Variants in NFX1 observed in about 807,000 individuals in gnomAD.
NFX1 encodes the protein transcriptional repressor NF-X1.
NFX1 carries 69 observed loss-of-function variants against 137.2 expected under a neutral mutation model. The ratio of observed to expected loss-of-function variants is 0.50; its 90% CI spans 0.41 to 0.61. NFX1 has a LOEUF of 0.61. NFX1 is among the 20% of genes least tolerant of loss of function. The probability of loss-of-function intolerance (pLI) is 0.00; values close to 1 mark genes in which losing one functional copy is unlikely to be tolerated. For missense variants in NFX1, 1,167 were observed against 1,391.0 expected, an observed-to-expected ratio of 0.84 and a Z score of 2.56; for synonymous variants, 495 against 474.1, an observed-to-expected ratio of 1.04 and a Z score of -0.57.
At chr9:33,327,997 A>C (rs1822658818) in intron 9 of NFX1, among the ~76,000 whole-genome samples, 2 of 152,018 alleles carry the variant, frequency 1.3e-5, no homozygotes, top group African/African-American at 4.8e-5. Context: ...GAGGAAAAAG[A>C]AGATTTATTC....
chr9:33,344,283 G>A, intron 14 of NFX1, 95 bp downstream of exon 14: 4 of 1,543,898 alleles, frequency 2.6e-6, no homozygotes, highest in Middle Eastern at 1.8e-4. Context: ...GAGTCATGCT[G>A]TGATGGCTGC....
Position 33,366,617 on chromosome 9 carries a change from C to T in NFX1, c.3040-12C>T, listed in dbSNP as rs765280402. ...TGATATGATCAATCAGTCATCTTTTCCCTCAATACAGGGAAAGAATAGTAA... is the reference window on the plus strand; with the variant it reads ...TGATATGATCAATCAGTCATCTTTTTCCTCAATACAGGGAAAGAATAGTAA... On this transcript the variant is annotated splice_polypyrimidine_tract_variant and intron_variant, in intron 21 of 23. Coordinates refer to ENST00000379540, the MANE Select transcript of NFX1 (RefSeq NM_002504.6). The T allele has an allele frequency of 2.5e-6, 4 of 1,613,142 alleles. No homozygotes were observed. Among genetic ancestry groups the T allele is most frequent in the Non-Finnish European group, 2.5e-6 (3 of 1,179,648 alleles).
Position 33,344,119 on chromosome 9 carries a change from G to T in NFX1, c.2275G>T (p.Val759Phe), listed in dbSNP as rs1351402052. Reference sequence around the variant, plus strand: ...TGGTGCATCAGTGATTTACCCTCCAGTTCCCTGTGGTACTAGGCCCCCTGA... The same window carrying T: ...TGGTGCATCAGTGATTTACCCTCCATTTCCCTGTGGTACTAGGCCCCCTGA... ...HCGASVIYPP[V>F]PCGTRPPECT... Residue 759 changes from valine to phenylalanine, a missense_variant, in exon 14 of 24, where the codon GTT (valine) becomes TTT (phenylalanine). Physicochemically the swap from Val to Phe is conservative, Grantham distance 50. Coordinates refer to ENST00000379540, the MANE Select transcript of NFX1 (RefSeq NM_002504.6). 6.2e-7 allele frequency: 1 copy of T among 1,613,974 alleles called. No homozygotes were observed. Among genetic ancestry groups the T allele is most frequent in the African/African-American group, 1.3e-5 (1 of 74,902 alleles).
chr9:33,326,295 C>T (rs564790181), intron 9 of NFX1, among the ~76,000 whole-genome samples: 1 of 152,076 alleles, frequency 6.6e-6, no homozygotes, highest in Admixed American at 6.6e-5. Flanking sequence ...TGCCTGTGAT[C>T]CCAGCTACTC....
chr9:33,367,289 C>T (rs1010552471), intron 22 of NFX1, among the ~76,000 whole-genome samples: 1 of 152,124 alleles, frequency 6.6e-6, no homozygotes, highest in Non-Finnish European at 1.5e-5. Context: ...AAGAACTTGC[C>T]AGTGAAGAAA....
chr9:33,348,720 A>G (rs886279262), intron 15 of NFX1: 44 of 981,362 alleles, frequency 4.5e-5, no homozygotes, highest in Non-Finnish European at 4.7e-5. Flanking sequence ...GTGAAGTCCA[A>G]TAAGAAATGC....
In NFX1 at chr9:33,347,048, T is replaced by C. The variant is rs148777292; in HGVS notation, c.2355T>C (p.Ser785=). 6 of 1,612,938 alleles carry C rather than the reference T, an allele frequency of 3.7e-6. No homozygotes were observed. The African/African-American group carries it at 6.7e-5, about 18-fold the overall frequency. ...TTTCTCTTTCTGCAGTATATCATTC[T>C]TGTCATAGTGAGGAGAAGTGTCCCC... ...VHECDHPVYH[S]CHSEEKCPPC... Residue 785 remains serine (S), a synonymous_variant, in exon 15 of 24, where the codon TCT becomes TCC. Coordinates refer to ENST00000379540, the MANE Select transcript of NFX1 (RefSeq NM_002504.6).
At chr9:33,293,264 T>A (rs1564095941) in intron 1 of NFX1, among the ~76,000 whole-genome samples, 1 of 152,220 alleles carries the variant, frequency 6.6e-6, no homozygotes, top group Non-Finnish European at 1.5e-5. Flanking sequence ...AGTTAATACA[T>A]GTAAAGTGCT....
chr9:33,324,609 A>G (rs1822509378), intron 9 of NFX1, among the ~76,000 whole-genome samples: 1 of 152,020 alleles, frequency 6.6e-6, no homozygotes, highest in Admixed American at 6.6e-5. Context: ...GGCAGAAGAA[A>G]CGATCAGTGA....
At position 33,352,652 on chromosome 9, in the gene NFX1, C is replaced by T. The variant is rs1823678579; in HGVS notation, c.2662C>T (p.Leu888=). The part of the protein sequence containing the change: ...PVTACKAKVE[L]QCECGRRKEM... ...CATGTTCATCTGACTTCAGGTAGAG[C>T]TACAGTGTGAATGTGGACGAAGAAA... The change falls in exon 17 of 24, where the codon CTA becomes TTA. Residue 888 remains leucine (L), a synonymous_variant. Coordinates refer to ENST00000379540, the MANE Select transcript of NFX1 (RefSeq NM_002504.6). 6.2e-7 allele frequency: 1 copy of T among 1,613,938 alleles called. No homozygotes were observed. Among genetic ancestry groups the T allele is most frequent in the Non-Finnish European group, 8.5e-7 (1 of 1,179,922 alleles).
intron 21 of NFX1, chr9:33,365,296 G>A (rs1184245172): frequency 2.0e-5 from 3 of 153,556 alleles, no homozygotes; most frequent in African/African-American, 4.8e-5. Flanking sequence ...AAGAAAGAAA[G>A]AAAGCTCTGC....
At chr9:33,339,161 TAA>T (rs1189378147) in intron 12 of NFX1, among the ~76,000 whole-genome samples, 1 of 152,190 alleles carries the variant, frequency 6.6e-6, no homozygotes, top group Admixed American at 6.5e-5. Flanking sequence ...CATGTATATA[TAA>T]ATGTGTATGT....
chr9:33,370,551 T>TA lies in NFX1; in HGVS notation c.*574dup, dbSNP rs1824296932. The TA allele has an allele frequency of 6.6e-6, 1 of 152,486 alleles. No individual in the cohort carries two copies. The highest frequency in any genetic ancestry group is 2.4e-5 in the African/African-American group (1 of 41,464). 9.4% of individuals were successfully genotyped at this position (152,486 alleles called of 1,614,324 possible). On this transcript the variant is annotated 3_prime_UTR_variant, in exon 24 of 24. Coordinates refer to ENST00000379540, the MANE Select transcript of NFX1 (RefSeq NM_002504.6). ...CTTTTGCCAAAACCTCTCATAGGTA[T>TA]ATCTAGCTGAACTTATTTTGGCATT...
At chr9:33,325,753 T>G (rs1031274697) in intron 9 of NFX1, among the ~76,000 whole-genome samples, 2 of 152,140 alleles carry the variant, frequency 1.3e-5, no homozygotes, top group East Asian at 1.9e-4. Flanking sequence ...AAAACAAAAT[T>G]TATTGCTAGC....
intron 1 of NFX1, among the ~76,000 whole-genome samples, chr9:33,291,013 G>T (rs1255261656): frequency 6.6e-6 from 1 of 152,236 alleles, no homozygotes; most frequent in African/African-American, 2.4e-5. Context: ...CCGAATTCCA[G>T]TAGTTTAGAG....
intron 4 of NFX1, among the ~76,000 whole-genome samples, chr9:33,304,265 AAAAT>A (rs1821676792): frequency 6.6e-6 from 1 of 152,220 alleles, no homozygotes; most frequent in Non-Finnish European, 1.5e-5. Context: ...CCATCTCAAA[AAAAT>A]AAATAAATAA....
intron 9 of NFX1, among the ~76,000 whole-genome samples, chr9:33,328,124 C>T (rs1822663910): frequency 6.6e-6 from 1 of 152,074 alleles, no homozygotes; most frequent in Non-Finnish European, 1.5e-5. Flanking sequence ...GATTTTCCCA[C>T]CTCAGACTCC....
intron 17 of NFX1, among the ~76,000 whole-genome samples, chr9:33,353,146 CTT>C (rs1327008452): frequency 6.6e-6 from 1 of 152,206 alleles, no homozygotes; most frequent in African/African-American, 2.4e-5. Context: ...TGTAAAATAA[CTT>C]TGAAATTTCT....
chr9:33,301,143 C>A, intron 2 of NFX1, 120 bp from the exon 3 acceptor site: 3 of 935,534 alleles, frequency 3.2e-6, no homozygotes, highest in South Asian at 3.5e-5. Context: ...TCAGATATCC[C>A]TTAAAATCTC....
Sources: gnomAD v4.1 joint callset for allele counts (sites outside exome capture counted in the v4.1 genomes callset) on GRCh38, gnomAD v4.1.1 for gene constraint, MANE v1.5 for transcripts, NCBI Gene and HGNC (gene_info 2026-07-23, HGNC 2026-07-21) for gene names.